The following VPS35L variants were observed in gnomAD, a reference collection of about 807,000 sequenced individuals.
VPS35L encodes the protein VPS35 endosomal protein sorting factor like.
A neutral mutation model predicts 133.0 loss-of-function variants in VPS35L; 83 were observed. The ratio of observed to expected loss-of-function variants is 0.62; its 90% confidence interval spans 0.52 to 0.75. VPS35L has a LOEUF of 0.75. Among genes scored for constraint, VPS35L ranks in the 30% least tolerant of loss-of-function variants. VPS35L has a pLI of 0.00. For missense variants in VPS35L, 1,083 were observed against 1,206.8 expected, an observed-to-expected ratio of 0.90 and a Z score of 1.52; for synonymous variants, 423 against 449.9, an observed-to-expected ratio of 0.94 and a Z score of 0.76.
At chr16:19,604,357 A>C (rs1454795002) in intron 9 of VPS35L, among the ~76,000 whole-genome samples, 1 of 151,950 alleles carries the variant, frequency 6.6e-6, no homozygotes, top group Non-Finnish European at 1.5e-5. Context: ...CTAATAACTA[A>C]CTCCTTGCCT....
chr16:19,577,622 G>A (rs973947995), intron 5 of VPS35L, among the ~76,000 whole-genome samples: 2 of 152,098 alleles, frequency 1.3e-5, no homozygotes, highest in African/African-American at 2.4e-5. Context: ...CTGGTTGTTT[G>A]TGCCTAACCC....
intron 2 of VPS35L, among the ~76,000 whole-genome samples, chr16:19,568,339 C>T (rs1217214648): frequency 2.7e-5 from 4 of 150,290 alleles, no homozygotes; most frequent in African/African-American, 4.9e-5. Context: ...CTCACTGTAT[C>T]GCCCAGCTGG....
chr16:19,634,809 G>T (rs8046353), intron 19 of VPS35L, among the ~76,000 whole-genome samples: 60,648 of 151,850 alleles, frequency 0.4, 12,772 homozygotes, highest in African/African-American at 0.52. Context: ...ATCTCAAGAG[G>T]TCTTCCTACT....
chr16:19,617,662 T>G (rs1972940167), intron 14 of VPS35L: 1 of 152,158 alleles, frequency 6.6e-6, no homozygotes, highest in Non-Finnish European at 1.5e-5. Flanking sequence ...TTTCCAAGAC[T>G]GAGAAGCAGT....
At chr16:19,674,184 CTTTTTTTTTT>C (rs201038834) in intron 27 of VPS35L, among the ~76,000 whole-genome samples, 15 of 70,906 alleles carry the variant, frequency 2.1e-4, no homozygotes, top group Admixed American at 4.4e-4. Flanking sequence ...TTTTCTTTTT[CTTTTTTTTTT>C]TTTTTTTTTT....
chr16:19,613,430 T>G (rs13335085), intron 12 of VPS35L, among the ~76,000 whole-genome samples: 23,282 of 152,170 alleles, frequency 0.15, 5,823 homozygotes, highest in African/African-American at 0.52. Flanking sequence ...GAGGCCAGGG[T>G]TAGTGCAGGC....
chr16:19,690,192 C>T (rs1437608841), intron 28 of VPS35L, among the ~76,000 whole-genome samples: 2 of 152,154 alleles, frequency 1.3e-5, no homozygotes, highest in Non-Finnish European at 2.9e-5. Context: ...TAGGTGTGAG[C>T]CACTGATCCC....
intron 24 of VPS35L, among the ~76,000 whole-genome samples, chr16:19,648,856 CA>C (rs1321767267): frequency 1.4e-5 from 1 of 73,368 alleles, no homozygotes; most frequent in Non-Finnish European, 2.4e-5. Flanking sequence ...GCCTAGGCAA[CA>C]AAGGGAGACT....
intron 14 of VPS35L, chr16:19,617,429 A>G (rs1412929795): frequency 1.3e-5 from 2 of 158,314 alleles, no homozygotes; most frequent in Non-Finnish European, 2.8e-5. Context: ...TCCAGGGCCA[A>G]CAAGCCTTAT....
At chr16:19,656,096 C>G (rs1360127956) in intron 26 of VPS35L, among the ~76,000 whole-genome samples, 1 of 151,680 alleles carries the variant, frequency 6.6e-6, no homozygotes, top group Non-Finnish European at 1.5e-5. Flanking sequence ...AACCCCGTCT[C>G]TACTAAAAAT....
intron 9 of VPS35L, among the ~76,000 whole-genome samples, chr16:19,602,688 C>T (rs192642127): frequency 2.6e-5 from 4 of 152,196 alleles, no homozygotes; most frequent in Admixed American, 6.5e-5. Context: ...CTGCAGCCTT[C>T]GCCTCCCGGA....
chr16:19,685,967 G>C (rs1437224725), intron 28 of VPS35L, among the ~76,000 whole-genome samples: 1 of 152,122 alleles, frequency 6.6e-6, no homozygotes, highest in East Asian at 1.9e-4. Flanking sequence ...CTCTGAACAA[G>C]GCCGCCAGCG....
At chr16:19,630,054 A>T (rs185514199) in intron 18 of VPS35L, among the ~76,000 whole-genome samples, 21 of 152,326 alleles carry the variant, frequency 1.4e-4, no homozygotes, top group Admixed American at 1.4e-3. Context: ...ACACAAAGTT[A>T]AACCATTTTT....
At chr16:19,640,204 T>G (rs1973746319) in intron 21 of VPS35L, 104 bp downstream of exon 21, 1 of 1,004,814 alleles carries the variant, frequency 1.0e-6, no homozygotes, top group Non-Finnish European at 1.5e-6. Context: ...GATGTGTACG[T>G]ATTTCATACA....
rs190494123 is a variant in VPS35L, at chr16:19,618,239, G to C, written c.1224+1431G>C. On this transcript the variant is annotated intron_variant, in intron 14 of 30. Transcript: ENST00000417362. ...CTTTTCCTAGATCTTGCCAACACAT[G>C]TTGAAAGCTGTACAGAAAAGAAAAA... 1.9e-3 allele frequency among the ~76,000 whole-genome samples: 283 copies of C among 152,152 alleles called. 1 individual carries two copies. The highest frequency in any genetic ancestry group is 2.8e-3 in the Non-Finnish European group (192 of 68,014).
intron 24 of VPS35L, 44 bp downstream of exon 24, chr16:19,647,926 A>G: frequency 6.9e-7 from 1 of 1,445,520 alleles, no homozygotes; most frequent in Non-Finnish European, 9.7e-7. Context: ...GTAAATATTT[A>G]TTGATCATCT....
rs576643359 is a variant in VPS35L, at chr16:19,699,441, A to G, written c.2647-61A>G. The G allele has an allele frequency of 2.1e-5, 33 of 1,598,346 alleles. No homozygotes were observed. In the South Asian group the frequency reaches 3.0e-4, roughly 15 times the overall value. ...CCCCAGAGTCAGCACTGTCCACAGC[A>G]TCTCTGCGGGGCACGGCCTGAGCCC... On this transcript the variant is annotated intron_variant, in intron 29 of 30. Transcript: ENST00000417362. The surrounding 1 kb of genome is among the most constrained non-coding windows in gnomAD (Gnocchi z 4.2).
chr16:19,610,258 A>G, intron 11 of VPS35L, 64 bp from the exon 12 acceptor site: 10 of 1,378,286 alleles, frequency 7.3e-6, no homozygotes, highest in Non-Finnish European at 1.0e-5. Flanking sequence ...TCTTTATTTA[A>G]AAAATTAAAG....
intron 14 of VPS35L, chr16:19,618,227 T>C (rs1972960713): frequency 6.6e-6 from 1 of 152,164 alleles, no homozygotes; most frequent in Admixed American, 6.6e-5. Flanking sequence ...TTCCTAGATC[T>C]TGCCAACACA....
Sources: gnomAD v4.1 joint callset for allele counts (sites outside exome capture counted in the v4.1 genomes callset) on GRCh38, gnomAD v4.1.1 for gene constraint, Gnocchi (gnomAD v3.1) non-coding constraint, MANE v1.5 for transcripts, NCBI Gene and HGNC (gene_info 2026-07-23, HGNC 2026-07-21) for gene names.